The following LARS2 variants were observed in gnomAD, a reference collection of about 807,000 sequenced individuals.
LARS2 encodes the protein leucine--tRNA ligase, mitochondrial.
Under a neutral mutation model 116.6 loss-of-function variants are expected in LARS2, and 81 were observed. The observed-to-expected ratio is 0.69, with a 90% CI of 0.58 to 0.84. LARS2 has a LOEUF of 0.84. Among genes scored for constraint, LARS2 ranks in the 40% least tolerant of loss-of-function variants. The pLI is 0.00. For synonymous variants in LARS2, 396 were observed against 407.2 expected (o/e 0.97, Z 0.33); for missense variants, 968 against 1,114.5 (o/e 0.87, Z 1.87).
intron 7 of LARS2, among the ~76,000 whole-genome samples, chr3:45,451,094 G>A (rs1030488599): frequency 1.3e-5 from 2 of 151,764 alleles, no homozygotes; most frequent in South Asian, 4.2e-4. Context: ...ATATATTCTG[G>A]TTATTAATCC....
At chr3:45,491,173 A>T (rs2125732239) in intron 12 of LARS2, among the ~76,000 whole-genome samples, 1 of 152,344 alleles carries the variant, frequency 6.6e-6, no homozygotes, top group East Asian at 1.9e-4. Flanking sequence ...TAGACACATT[A>T]GACACAGTAG....
chr3:45,545,544 A>G (rs1004416385), intron 21 of LARS2, among the ~76,000 whole-genome samples: 1 of 152,074 alleles, frequency 6.6e-6, no homozygotes. Flanking sequence ...ATTGGCACCT[A>G]CTCACCCTGA....
intron 6 of LARS2, among the ~76,000 whole-genome samples, chr3:45,436,812 A>AAG (rs1553630253): frequency 2.6e-5 from 4 of 151,886 alleles, no homozygotes; most frequent in South Asian, 2.1e-4. Context: ...AAAAAAAAAA[A>AAG]AAAAGAAAAG....
At chr3:45,444,756 AAC>A (rs1698989045) in intron 6 of LARS2, among the ~76,000 whole-genome samples, 1 of 150,806 alleles carries the variant, frequency 6.6e-6, no homozygotes, top group African/African-American at 2.4e-5. Context: ...TAGAGAAAAA[AAC>A]ACATATTTGT....
At chr3:45,411,321 C>A (rs2125682153) in intron 4 of LARS2, among the ~76,000 whole-genome samples, 1 of 152,286 alleles carries the variant, frequency 6.6e-6, no homozygotes, top group East Asian at 1.9e-4. Context: ...TTCCCGACAC[C>A]CCTAGTAGAG....
chr3:45,520,132 C>CTTTTT, intron 18 of LARS2, 87 bp from the exon 19 acceptor site: 3 of 874,676 alleles, frequency 3.4e-6, no homozygotes, highest in Non-Finnish European at 5.7e-6. Context: ...ATTCATTTTC[C>CTTTTT]TTTTTTTTTG....
chr3:45,459,425 GAGA>G (rs142064162), intron 8 of LARS2, among the ~76,000 whole-genome samples: 114 of 152,340 alleles, frequency 7.5e-4, no homozygotes, highest in African/African-American at 2.7e-3. Flanking sequence ...GCCTCCATGA[GAGA>G]AGGCCAAGTG....
rs932043170 is a variant in LARS2 at position 45,436,569 on chromosome 3, T to C, written c.517-10322T>C. ...CAGCACTTTGGGAGGCCGAGGCGGG[T>C]GGATCATGAGGTCAGGAGATCGAGA... On this transcript the variant is annotated intron_variant, in intron 6 of 21. Coordinates refer to ENST00000645846, the MANE Select transcript of LARS2 (RefSeq NM_015340.4). Among the ~76,000 whole-genome samples, 16 of 148,336 alleles carry C rather than the reference T, an allele frequency of 1.1e-4. No homozygotes were observed. In the East Asian group the frequency reaches 3.2e-3, roughly 29 times the overall value.
At chr3:45,404,330 C>T (rs1698199895) in intron 4 of LARS2, among the ~76,000 whole-genome samples, 1 of 152,134 alleles carries the variant, frequency 6.6e-6, no homozygotes, top group Admixed American at 6.5e-5. Context: ...TCAGATACAA[C>T]CACCAAATCT....
chr3:45,484,630 A>AAAAAT (rs1553634443), intron 10 of LARS2, among the ~76,000 whole-genome samples: 8 of 9,740 alleles, frequency 8.2e-4, no homozygotes, highest in African/African-American at 1.1e-3. Flanking sequence ...AAAAAAAAAA[A>AAAAAT]ATATATATAT....
At chr3:45,495,803 C>T (rs994948652) in intron 13 of LARS2, among the ~76,000 whole-genome samples, 2 of 151,700 alleles carry the variant, frequency 1.3e-5, no homozygotes, top group African/African-American at 4.8e-5. Context: ...TTTAAAACAT[C>T]GCATACTATA....
chr3:45,511,576 T>TA (rs34491372), intron 15 of LARS2, among the ~76,000 whole-genome samples: 3,109 of 145,470 alleles, frequency 0.021, 88 homozygotes, highest in African/African-American at 0.071. Flanking sequence ...CAGTTTACCT[T>TA]AAAAAAAAAA....
chr3:45,452,511 C>G (rs1223665305), intron 7 of LARS2, among the ~76,000 whole-genome samples: 1 of 152,040 alleles, frequency 6.6e-6, no homozygotes, highest in Non-Finnish European at 1.5e-5. Context: ...ATATGTTGAA[C>G]CATCCTTGCA....
chr3:45,417,139 G>C (rs1196042932), intron 4 of LARS2, among the ~76,000 whole-genome samples: 2 of 150,160 alleles, frequency 1.3e-5, no homozygotes, highest in Non-Finnish European at 2.9e-5. Flanking sequence ...TACATTATGT[G>C]TGTGTGTGTG....
At chr3:45,532,802 C>T (rs1228565725) in intron 20 of LARS2, among the ~76,000 whole-genome samples, 2 of 151,984 alleles carry the variant, frequency 1.3e-5, no homozygotes, top group African/African-American at 4.8e-5. Context: ...CCACCATGCC[C>T]GGCTAATTTT....
At chr3:45,489,135 A>G (rs374542982) in intron 12 of LARS2, among the ~76,000 whole-genome samples, 9 of 152,154 alleles carry the variant, frequency 5.9e-5, no homozygotes, top group Non-Finnish European at 1.2e-4. Flanking sequence ...CCTAGAGGAG[A>G]TATCTGTTCT....
intron 15 of LARS2, among the ~76,000 whole-genome samples, chr3:45,508,310 G>C (rs908683068): frequency 2.0e-5 from 3 of 152,026 alleles, no homozygotes; most frequent in South Asian, 4.1e-4. Context: ...GATCATGCCA[G>C]AAACGGGGCT....
At chr3:45,425,003 C>T (rs908075931) in intron 6 of LARS2, among the ~76,000 whole-genome samples, 5 of 152,094 alleles carry the variant, frequency 3.3e-5, no homozygotes, top group Admixed American at 2.0e-4. Context: ...GTTTCTAGTA[C>T]AGATATTAGT....
At chr3:45,453,845 G>A (rs1699173800) in intron 7 of LARS2, among the ~76,000 whole-genome samples, 2 of 152,030 alleles carry the variant, frequency 1.3e-5, no homozygotes, top group Non-Finnish European at 2.9e-5. Flanking sequence ...ATTCAGAAAA[G>A]GTCTTTGATA....
Sources: allele counts gnomAD v4.1 joint callset (sites outside exome capture counted in the v4.1 genomes callset), GRCh38; gene constraint gnomAD v4.1.1; transcripts MANE v1.5; gene names NCBI Gene and HGNC (gene_info 2026-07-23, HGNC 2026-07-21).